TAFA2: variants seen among roughly 807,000 people sequenced by gnomAD.
TAFA2 encodes chemokine-like protein TAFA-2.
Under a neutral mutation model 18.8 loss-of-function variants are expected in TAFA2, and 7 were observed. That is an observed-to-expected ratio of 0.37 (90% CI 0.21 to 0.70). The LOEUF is 0.70. Among genes scored for constraint, TAFA2 ranks in the 30% least tolerant of loss-of-function variants. The pLI is 0.53. For missense variants in TAFA2, 122 were observed against 158.1 expected, an observed-to-expected ratio of 0.77 and a Z score of 1.23; for synonymous variants, 60 against 54.2, an observed-to-expected ratio of 1.11 and a Z score of -0.47.
At chr12:61,897,805 T>C (rs1875918069) in intron 1 of TAFA2, among the ~76,000 whole-genome samples, 1 of 152,188 alleles carries the variant, frequency 6.6e-6, no homozygotes, top group Admixed American at 6.5e-5. Flanking sequence ...TTTCAAAACC[T>C]ATCATGCCTT....
At chr12:62,127,831 C>T (rs1293211115) in intron 1 of TAFA2, among the ~76,000 whole-genome samples, 1 of 151,990 alleles carries the variant, frequency 6.6e-6, no homozygotes, top group East Asian at 1.9e-4. Flanking sequence ...TAATATCATA[C>T]TGCTGTAAAA....
rs570966898 is a variant in TAFA2 at position 62,218,445 on chromosome 12, T to C, written c.-130+40318A>G. On this transcript the variant is annotated intron_variant, in intron 1 of 5. Coordinates refer to the TAFA2 transcript ENST00000551619. ...CAGTTGGGTAGGCTCACATCCCTAGTTATCAAAGTGAGGGATAATGTTAGC... is the reference window on the plus strand; with the variant it reads ...CAGTTGGGTAGGCTCACATCCCTAGCTATCAAAGTGAGGGATAATGTTAGC... Among the ~76,000 whole-genome samples the C allele has an allele frequency of 3.9e-5, 6 of 152,288 alleles. No individual in the cohort carries two copies. In the South Asian group the frequency reaches 1.2e-3, roughly 32 times the overall value.
intron 1 of TAFA2, among the ~76,000 whole-genome samples, chr12:61,884,208 C>G (rs185497993): frequency 6.6e-6 from 1 of 152,140 alleles, no homozygotes; most frequent in Non-Finnish European, 1.5e-5. Flanking sequence ...AAGCTTGAAA[C>G]GATGGCGCTG....
chr12:61,811,362 C>G (rs1345473825), intron 2 of TAFA2, among the ~76,000 whole-genome samples: 1 of 151,198 alleles, frequency 6.6e-6, no homozygotes, highest in Non-Finnish European at 1.5e-5. Flanking sequence ...TTAAAATACT[C>G]CATATATTGG....
chr12:62,154,887 A>G lies in TAFA2; in HGVS notation c.-2+36372T>C, dbSNP rs183927096. Among the ~76,000 whole-genome samples, 93 of 152,300 alleles carry G rather than the reference A, an allele frequency of 6.1e-4. 2 individuals are homozygous for G. Among genetic ancestry groups the G allele is most frequent in the Admixed American group, 6.1e-3 (93 of 15,294 alleles). On this transcript the variant is annotated intron_variant, in intron 1 of 4. Coordinates refer to ENST00000416284, the MANE Select transcript of TAFA2 (RefSeq NM_178539.5). ...CAGCATTCCCCATGACAGGTGAAATAGGACAAGGTGCCCACTCTCAGCACT... is the reference window on the plus strand; with the variant it reads ...CAGCATTCCCCATGACAGGTGAAATGGGACAAGGTGCCCACTCTCAGCACT...
At chr12:62,011,308 A>G (rs1036747884) in intron 1 of TAFA2, among the ~76,000 whole-genome samples, 1 of 152,076 alleles carries the variant, frequency 6.6e-6, no homozygotes. Context: ...TGAAAGGAAA[A>G]GGGGGAAATG....
At chr12:62,226,548 T>A (rs1708952230) in intron 1 of TAFA2, among the ~76,000 whole-genome samples, 1 of 152,158 alleles carries the variant, frequency 6.6e-6, no homozygotes, top group Admixed American at 6.6e-5. Context: ...TTAACTACCA[T>A]CAGTAGGTTA....
chr12:62,054,459 C>T (rs1371783472), intron 1 of TAFA2, among the ~76,000 whole-genome samples: 2 of 152,110 alleles, frequency 1.3e-5, no homozygotes, highest in East Asian at 1.9e-4. Context: ...TCAATATCTT[C>T]GGCCTGAAGA....
chr12:62,127,501 C>T (rs1174985421), intron 1 of TAFA2, among the ~76,000 whole-genome samples: 1 of 151,932 alleles, frequency 6.6e-6, no homozygotes, highest in Non-Finnish European at 1.5e-5. Context: ...TGACAAAATC[C>T]ATTATAATTT....
At chr12:61,866,104 G>C (rs1301089966) in intron 2 of TAFA2, among the ~76,000 whole-genome samples, 1 of 152,050 alleles carries the variant, frequency 6.6e-6, no homozygotes, top group Non-Finnish European at 1.5e-5. Context: ...GGATCAGTGT[G>C]CTGTATTAAA....
At chr12:61,948,155 G>A (rs1358628065) in intron 1 of TAFA2, among the ~76,000 whole-genome samples, 1 of 152,120 alleles carries the variant, frequency 6.6e-6, no homozygotes, top group African/African-American at 2.4e-5. Flanking sequence ...ACTGTTATTT[G>A]GCAGGCACTG....
intron 2 of TAFA2, among the ~76,000 whole-genome samples, chr12:61,757,773 G>A (rs1398715193): frequency 6.6e-6 from 1 of 152,034 alleles, no homozygotes; most frequent in Middle Eastern, 3.2e-3. Context: ...TTTCAAAAAG[G>A]AGAGATTGAT....
intron 1 of TAFA2, among the ~76,000 whole-genome samples, chr12:62,237,713 G>A (rs1047565764): frequency 6.6e-6 from 1 of 152,214 alleles, no homozygotes; most frequent in African/African-American, 2.4e-5. Flanking sequence ...TTGCCTGTAA[G>A]TGCCCTTAAT....
upstream of TAFA2, among the ~76,000 whole-genome samples, chr12:62,197,391 C>T (rs1439389530): frequency 1.2e-4 from 18 of 152,198 alleles, no homozygotes; most frequent in Admixed American, 1.2e-3. Flanking sequence ...GTTCTGTTCG[C>T]TAAAAATCAC....
chr12:61,979,154 G>A (rs904497602), intron 1 of TAFA2, among the ~76,000 whole-genome samples: 3 of 152,078 alleles, frequency 2.0e-5, no homozygotes, highest in East Asian at 1.9e-4. Context: ...CTAAAATAAA[G>A]TCTGGTCAAA....
At chr12:61,954,078 C>T (rs905576938) in intron 1 of TAFA2, among the ~76,000 whole-genome samples, 6 of 152,086 alleles carry the variant, frequency 3.9e-5, no homozygotes, top group Non-Finnish European at 7.4e-5. Flanking sequence ...ACCCAAATAG[C>T]GTACACTGAA....
chr12:62,234,852 C>T, intron 1 of TAFA2: 1 of 1,050,964 alleles, frequency 9.5e-7, no homozygotes, highest in South Asian at 1.2e-5. Context: ...ATCCTAAAAC[C>T]AGCAATGACT....
chr12:62,250,844 C>G (rs1197602227), intron 1 of TAFA2, among the ~76,000 whole-genome samples: 2 of 150,536 alleles, frequency 1.3e-5, no homozygotes, highest in African/African-American at 4.8e-5. Flanking sequence ...CTCTTGATCT[C>G]TTTTTGCAAC....
intron 4 of TAFA2, among the ~76,000 whole-genome samples, chr12:61,724,795 G>GTGTGTGTGTGTATACACCAGATGGGTGTA (rs1870074049): frequency 1.2e-5 from 1 of 83,690 alleles, no homozygotes; most frequent in Non-Finnish European, 2.7e-5. Context: ...GTGTGTGTGT[G>GTGTGTGTGTGTATACACCAGATGGGTGTA]TGTGTGTATA....
Sources: allele counts gnomAD v4.1 joint callset (sites outside exome capture counted in the v4.1 genomes callset), GRCh38; gene constraint gnomAD v4.1.1; transcripts MANE v1.5; gene names NCBI Gene and HGNC (gene_info 2026-07-23, HGNC 2026-07-21).